Variants in TET2 observed in about 807,000 individuals in gnomAD.
TET2 encodes tet methylcytosine dioxygenase 2, also known as methylcytosine dioxygenase TET2.
In TET2, 299 loss-of-function variants were observed where a neutral mutation model predicts 142.9. The ratio of observed to expected loss-of-function variants is 2.09; its 90% CI spans 1.90 to 2.30. The LOEUF (loss-of-function observed/expected upper bound fraction) is 2.30, where lower values mean the gene tolerates loss of function less well. Ranked by LOEUF, TET2 falls within the 30% of genes most tolerant of loss-of-function variation. The pLI is 0.00. For missense variants in TET2, 2,418 were observed against 2,378.0 expected, an observed-to-expected ratio of 1.02 and a Z score of -0.35; for synonymous variants, 819 against 849.0, an observed-to-expected ratio of 0.96 and a Z score of 0.61.
In TET2 at chr4:105,222,835, T is replaced by G. The variant is rs981786395; in HGVS notation, c.-46-11062T>G. Among the ~76,000 whole-genome samples, 9 of 152,104 alleles carry G rather than the reference T, an allele frequency of 5.9e-5. No homozygotes were observed. The East Asian group carries it at 1.7e-3, about 29-fold the overall frequency. On this transcript the variant is annotated intron_variant, in intron 2 of 10. Transcript: ENST00000380013. ...TGTTGCCTAGGTTTTCTTCTAGGGT[T>G]TTTATGGTTTTAGGTCTAACGTTTA... is the stretch of plus-strand genomic sequence containing the variant.
intron 1 of TET2, among the ~76,000 whole-genome samples, chr4:105,148,053 TACACATACACACAC>T (rs973771978): frequency 8.6e-5 from 13 of 151,166 alleles, no homozygotes; most frequent in African/African-American, 3.2e-4. Flanking sequence ...CTCTCTCTCA[TACACATACACACAC>T]ACACACACAC....
intron 1 of TET2, among the ~76,000 whole-genome samples, chr4:105,148,196 A>G (rs1723132386): frequency 6.6e-6 from 1 of 152,124 alleles, no homozygotes. Flanking sequence ...TGTGGCCTGG[A>G]TAGACTCCTG....
At chr4:105,253,157 A>G (rs939680027) in intron 6 of TET2, among the ~76,000 whole-genome samples, 4 of 152,164 alleles carry the variant, frequency 2.6e-5, no homozygotes, top group African/African-American at 9.6e-5. Context: ...AAAAGGCTAT[A>G]TATACAGTCA....
At chr4:105,209,613 T>C (rs897202844) in intron 2 of TET2, among the ~76,000 whole-genome samples, 2 of 151,542 alleles carry the variant, frequency 1.3e-5, no homozygotes, top group Admixed American at 6.5e-5. Context: ...CAGATTTCTC[T>C]AATTTTTTGT....
Position 105,275,357 on chromosome 4 carries a change from AC to A in TET2, c.4850del (p.Pro1617LeufsTer6). Reference sequence around the variant, plus strand: ...TATTTGAATTCTTCTAATCCCATGAACCCTTACCCTGGGCTTTTGAATCAGA... The same window carrying A: ...TATTTGAATTCTTCTAATCCCATGAACCTTACCCTGGGCTTTTGAATCAGA... ...GSYLNSSNPM[N>X]PYPGLLNQNT... On this transcript the variant is annotated frameshift_variant, in exon 11 of 11. Transcript: ENST00000380013. LOFTEE classifies it low-confidence loss of function (END_TRUNC). The A allele has an allele frequency of 6.4e-7, 1 of 1,551,512 alleles. No homozygotes were observed.
intron 2 of TET2, among the ~76,000 whole-genome samples, chr4:105,195,721 T>C (rs1381996141): frequency 1.3e-5 from 2 of 152,232 alleles, no homozygotes; most frequent in African/African-American, 4.8e-5. Context: ...CCATTTTTTT[T>C]CTGAGTATTT....
At chr4:105,211,593 C>A (rs748262779) in intron 2 of TET2, among the ~76,000 whole-genome samples, 1 of 152,110 alleles carries the variant, frequency 6.6e-6, no homozygotes, top group Non-Finnish European at 1.5e-5. Context: ...GTGAGAGTGT[C>A]CTAACACAGG....
chr4:105,225,011 G>A (rs1453706826), intron 2 of TET2, among the ~76,000 whole-genome samples: 1 of 151,994 alleles, frequency 6.6e-6, no homozygotes, highest in Non-Finnish European at 1.5e-5. Flanking sequence ...AATTTAATTA[G>A]TCTGTCATTT....
intron 6 of TET2, among the ~76,000 whole-genome samples, chr4:105,254,717 G>A (rs1284335444): frequency 6.6e-6 from 1 of 152,084 alleles, no homozygotes; most frequent in African/African-American, 2.4e-5. Flanking sequence ...CTAGCCTGAT[G>A]GCAGAACTTT....
intron 1 of TET2, among the ~76,000 whole-genome samples, chr4:105,174,477 A>G (rs1724665048): frequency 6.6e-6 from 1 of 152,250 alleles, no homozygotes; most frequent in Non-Finnish European, 1.5e-5. Context: ...CTGTCAGAAA[A>G]ATGAGATTAT....
chr4:105,210,313 C>T (rs1345119923), intron 2 of TET2, among the ~76,000 whole-genome samples: 2 of 152,146 alleles, frequency 1.3e-5, no homozygotes, highest in African/African-American at 4.8e-5. Context: ...TCCTGGCCAT[C>T]TCTTGGGTCA....
At chr4:105,243,464 A>G (rs1729411636) in intron 5 of TET2, 106 bp from the exon 6 acceptor site, 1 of 1,015,952 alleles carries the variant, frequency 9.8e-7, no homozygotes, top group Non-Finnish European at 1.5e-6. Context: ...TGTGATCTAA[A>G]CATGATAAAA....
chr4:105,259,722 A>C lies in TET2; in HGVS notation c.3907A>C (p.Ser1303Arg). The C allele has an allele frequency of 6.4e-7, 1 of 1,551,144 alleles. No homozygotes were observed. Among genetic ancestry groups the C allele is most frequent in the Non-Finnish European group, 8.7e-7 (1 of 1,146,582 alleles). Residue 1303 changes from serine to arginine, a missense_variant, in exon 7 of 11, where the codon AGC (serine) becomes CGC (arginine). Coordinates refer to ENST00000380013, the MANE Select transcript of TET2 (RefSeq NM_001127208.3). ...MYYNGCKFAR[S>R]KIPRKFKLLG... Reference sequence around the variant, plus strand: ...CTACAATGGATGTAAGTTTGCCAGAAGCAAGATCCCAAGGAAGTTTAAGCT... The same window carrying C: ...CTACAATGGATGTAAGTTTGCCAGACGCAAGATCCCAAGGAAGTTTAAGCT...
At position 105,234,796 on chromosome 4, in the gene TET2, C is replaced by CTG; in HGVS notation, c.855_856insGT (p.Pro286ValfsTer8). 6.2e-7 allele frequency: 1 copy of CTG among 1,613,848 alleles called. No homozygotes were observed. Among genetic ancestry groups the CTG allele is most frequent in the African/African-American group, 1.3e-5 (1 of 75,038 alleles). ...GCACAGACCTCTAACTCTGAGCTGC[C>CTG]TCCAAAGCCAGCTGCAGTGGTGAGT... On this transcript the variant is annotated frameshift_variant, in exon 3 of 11. Coordinates refer to ENST00000380013, the MANE Select transcript of TET2 (RefSeq NM_001127208.3). LOFTEE classifies it high-confidence loss of function.
At chr4:105,161,013 A>T (rs926732722) in intron 1 of TET2, among the ~76,000 whole-genome samples, 1 of 152,142 alleles carries the variant, frequency 6.6e-6, no homozygotes, top group African/African-American at 2.4e-5. Context: ...TGACCTGGTG[A>T]TCCACTCGCC....
At position 105,235,675 on chromosome 4, in the gene TET2, A is replaced by G. The variant is rs373355753; in HGVS notation, c.1733A>G (p.His578Arg). 3.7e-6 allele frequency: 6 copies of G among 1,614,058 alleles called. No individual in the cohort carries two copies. The African/African-American group carries it at 6.7e-5, about 18-fold the overall frequency. ...CCTCGTTTTCACCAAGCGGAATCCC[A>G]TCTAAAACGTAATGAGGCATCACTG... is the stretch of plus-strand genomic sequence containing the variant. Reference protein sequence around the residue: ...KAPRFHQAESHLKRNEASLPS... With the variant: ...KAPRFHQAESRLKRNEASLPS... The change falls in exon 3 of 11, where the codon CAT (histidine) becomes CGT (arginine). Residue 578 changes from histidine (H) to arginine (R), a missense_variant. By Grantham distance (29) the His-to-Arg change is conservative. Coordinates refer to ENST00000380013, the MANE Select transcript of TET2 (RefSeq NM_001127208.3).
intron 2 of TET2, among the ~76,000 whole-genome samples, chr4:105,203,013 A>G (rs1027063096): frequency 3.0e-4 from 45 of 152,358 alleles, no homozygotes; most frequent in African/African-American, 1.1e-3. Flanking sequence ...TGTCACTGGA[A>G]AGACTGGAGT....
Position 105,234,924 on chromosome 4 carries a change from G to A in TET2, c.982G>A (p.Val328Ile), listed in dbSNP as rs749904780. 1.2e-6 allele frequency: 2 copies of A among 1,614,058 alleles called. No homozygotes were observed. The highest frequency in any genetic ancestry group is 3.3e-5 in the Admixed American group (2 of 59,998). The change falls in exon 3 of 11, where the codon GTT (valine) becomes ATT (isoleucine). Residue 328 changes from valine (V) to isoleucine (I), a missense_variant. Transcript: ENST00000380013. The part of the protein sequence containing the change: ...KPEQLQQQKS[V>I]FEICPSPAEN... ...AGAACAACTACAACAACAAAAATCA[G>A]TTTTTGAGATATGCCCATCTCCTGC...
At chr4:105,249,120 C>T (rs747044506) in intron 6 of TET2, among the ~76,000 whole-genome samples, 74 of 151,666 alleles carry the variant, frequency 4.9e-4, no homozygotes, top group Non-Finnish European at 9.4e-4. Context: ...CTCTGTCTCC[C>T]GGGTTCAAGT....
Sources: gnomAD v4.1 joint callset for allele counts (sites outside exome capture counted in the v4.1 genomes callset) on GRCh38, gnomAD v4.1.1 for gene constraint, MANE v1.5 for transcripts, NCBI Gene and HGNC (gene_info 2026-07-23, HGNC 2026-07-21) for gene names.